SCAPER: variants seen among roughly 807,000 people sequenced by gnomAD.
The protein encoded by SCAPER is S-phase cyclin A associated protein in the ER.
Under a neutral mutation model 182.2 loss-of-function variants are expected in SCAPER, and 98 were observed. The observed-to-expected ratio is 0.54, with a 90% CI of 0.46 to 0.64. SCAPER has a LOEUF of 0.64. Ranked by LOEUF, SCAPER falls within the 30% of genes least tolerant of loss-of-function variation. The pLI is 0.00. For synonymous variants in SCAPER, 605 were observed against 564.6 expected (o/e 1.07, Z -1.01); for missense variants, 1,432 against 1,690.0 (o/e 0.85, Z 2.68).
At chr15:76,781,348 A>G (rs2064123044) in intron 8 of SCAPER, among the ~76,000 whole-genome samples, 1 of 152,212 alleles carries the variant, frequency 6.6e-6, no homozygotes, top group Non-Finnish European at 1.5e-5. Flanking sequence ...AAAAAAGAGT[A>G]AAAAGAAACG....
intron 23 of SCAPER, among the ~76,000 whole-genome samples, chr15:76,552,680 G>A (rs762783630): frequency 2.6e-5 from 4 of 152,276 alleles, no homozygotes; most frequent in Admixed American, 6.5e-5. Context: ...CAGCCCATAC[G>A]CAGTCTAGGG....
chr15:76,790,479 C>A (rs2151444655), intron 8 of SCAPER, among the ~76,000 whole-genome samples: 1 of 152,236 alleles, frequency 6.6e-6, no homozygotes, highest in East Asian at 1.9e-4. Flanking sequence ...TTTAAAAATA[C>A]TTCTAAGTTC....
At chr15:76,505,182 C>T (rs1259923153) in intron 23 of SCAPER, among the ~76,000 whole-genome samples, 1 of 152,102 alleles carries the variant, frequency 6.6e-6, no homozygotes, top group African/African-American at 2.4e-5. Flanking sequence ...TGGTTGCTGT[C>T]CTCCATGAAG....
chr15:76,605,936 G>A (rs912054239), intron 22 of SCAPER, among the ~76,000 whole-genome samples: 2 of 152,006 alleles, frequency 1.3e-5, no homozygotes, highest in East Asian at 1.9e-4. Flanking sequence ...TCTTGCTAGC[G>A]GTCTATCAAT....
chr15:76,574,005 C>T (rs2047639926), intron 23 of SCAPER, among the ~76,000 whole-genome samples, 153 bp downstream of exon 23: 1 of 149,424 alleles, frequency 6.7e-6, no homozygotes, highest in Admixed American at 6.6e-5. Flanking sequence ...CTGAAAAGAA[C>T]AAAAGTAAAA....
At chr15:76,811,106 A>G (rs1401746482) in intron 5 of SCAPER, among the ~76,000 whole-genome samples, 1 of 145,764 alleles carries the variant, frequency 6.9e-6, no homozygotes, top group Non-Finnish European at 1.5e-5. Flanking sequence ...CACTTTCAAT[A>G]ATAGATAGAA....
intron 24 of SCAPER, chr15:76,472,453 A>C (rs563912292): frequency 5.7e-6 from 3 of 526,106 alleles, no homozygotes; most frequent in South Asian, 5.3e-5. Context: ...AAAATGCAAA[A>C]TTTGTTTTAC....
At chr15:76,787,484 G>A (rs898272806) in intron 8 of SCAPER, among the ~76,000 whole-genome samples, 1 of 152,020 alleles carries the variant, frequency 6.6e-6, no homozygotes, top group African/African-American at 2.4e-5. Flanking sequence ...ATGCCACCAC[G>A]CCCAGCTAAT....
At chr15:76,838,321 T>A (rs1245864377) in intron 5 of SCAPER, among the ~76,000 whole-genome samples, 1 of 151,914 alleles carries the variant, frequency 6.6e-6, no homozygotes. Context: ...AGTACCAAGC[T>A]CTCTCTTATA....
At chr15:76,892,784 C>T (rs2074234754) in intron 1 of SCAPER, among the ~76,000 whole-genome samples, 1 of 152,136 alleles carries the variant, frequency 6.6e-6, no homozygotes, top group Non-Finnish European at 1.5e-5. Context: ...GGATCTAGAA[C>T]TAGAAATACC....
At position 76,353,931 on chromosome 15, in the gene SCAPER, G is replaced by T. The variant is rs938218914; in HGVS notation, c.4047+18C>A. On this transcript the variant is annotated intron_variant, in intron 30 of 31. Transcript: ENST00000563290. ...TTTACACACAAAGCTAGACAATTAC[G>T]TATAATGTAGAAGGTACCTGAATGA... 1 of 1,518,752 alleles carries T rather than the reference G, an allele frequency of 6.6e-7. No homozygotes were observed. 94.1% of individuals were successfully genotyped at this position (1,518,752 alleles called of 1,614,324 possible). A position where few individuals can be genotyped will look rare whatever the true frequency, so the allele number is the denominator to read the frequency against.
rs575273376 is a variant in SCAPER, at chr15:76,842,445, G to A, written c.196-514C>T. 5.9e-5 allele frequency among the ~76,000 whole-genome samples: 9 copies of A among 152,246 alleles called. No homozygotes were observed. The East Asian group carries it at 1.2e-3, about 20-fold the overall frequency. On this transcript the variant is annotated intron_variant, in intron 4 of 31. Transcript: ENST00000563290. ...TTTATAAGGTGATCTTCCTCACTTC[G>A]CTGGGCAGTTCTTCCTGCCACCTTG...
chr15:76,675,038 T>C (rs1369516845), intron 20 of SCAPER, among the ~76,000 whole-genome samples: 1 of 152,174 alleles, frequency 6.6e-6, no homozygotes. Context: ...AGATAGTACT[T>C]ATGGAGAGCG....
intron 21 of SCAPER, among the ~76,000 whole-genome samples, chr15:76,664,759 T>C (rs958387232): frequency 1.3e-5 from 2 of 152,196 alleles, no homozygotes; most frequent in Non-Finnish European, 2.9e-5. Context: ...CTGAGAAATC[T>C]GGACTAACTT....
At chr15:76,692,045 C>G (rs1399014946) in intron 20 of SCAPER, among the ~76,000 whole-genome samples, 1 of 152,110 alleles carries the variant, frequency 6.6e-6, no homozygotes, top group Admixed American at 6.6e-5. Context: ...GAGTCACTTT[C>G]CATAGTAAAA....
chr15:76,883,599 A>G (rs556309299), intron 2 of SCAPER, among the ~76,000 whole-genome samples: 3 of 152,314 alleles, frequency 2.0e-5, no homozygotes, highest in East Asian at 1.9e-4. Context: ...CCTAGGTACC[A>G]TAAGTGTTAG....
chr15:76,883,881 A>G lies in SCAPER; in HGVS notation c.-59-5T>C, dbSNP rs769047005. The G allele has an allele frequency of 1.5e-4, 182 of 1,206,246 alleles. No individual in the cohort carries two copies. The highest frequency in any genetic ancestry group is 2.1e-4 in the Non-Finnish European group (177 of 859,378). 74.7% of individuals were successfully genotyped at this position (1,206,246 alleles called of 1,614,324 possible). ...TAAACCCATGGAGTATGACTCCTAC[A>G]ATAAAAAATATATATACGCTTAGTT... On this transcript the variant is annotated splice_region_variant and splice_polypyrimidine_tract_variant and intron_variant, in intron 1 of 31. Coordinates refer to ENST00000563290, the MANE Select transcript of SCAPER (RefSeq NM_020843.4).
chr15:76,552,852 A>G (rs1478858034), intron 23 of SCAPER, among the ~76,000 whole-genome samples: 1 of 152,114 alleles, frequency 6.6e-6, no homozygotes, highest in Non-Finnish European at 1.5e-5. Context: ...GTCCGATCAT[A>G]GCGCTCGCAC....
intron 4 of SCAPER, among the ~76,000 whole-genome samples, chr15:76,854,084 C>A (rs1345435929): frequency 6.6e-6 from 1 of 152,106 alleles, no homozygotes; most frequent in Admixed American, 6.5e-5. Context: ...CCCTGGCCAA[C>A]AAGGTGAAAC....
Sources: gnomAD v4.1 joint callset for allele counts (sites outside exome capture counted in the v4.1 genomes callset) on GRCh38, gnomAD v4.1.1 for gene constraint, MANE v1.5 for transcripts, NCBI Gene and HGNC (gene_info 2026-07-23, HGNC 2026-07-21) for gene names.